Variants in FOXP1 observed in about 807,000 individuals in gnomAD.
The protein encoded by FOXP1 is forkhead box P1, also known as forkhead box protein P1.
In FOXP1, 15 loss-of-function variants were observed where a neutral mutation model predicts 98.2. That is an observed-to-expected ratio of 0.15 (90% CI 0.10 to 0.24). FOXP1 has a LOEUF of 0.24. Ranked by LOEUF, FOXP1 falls within the 10% of genes least tolerant of loss-of-function variation. The pLI, the probability that FOXP1 is intolerant of heterozygous loss-of-function variation, is 1.00. For synonymous variants in FOXP1, 371 were observed against 314.5 expected (o/e 1.18, Z -1.90); for missense variants, 633 against 848.5 (o/e 0.75, Z 3.15).
chr3:70,993,629 G>C (rs1169224024), intron 13 of FOXP1, among the ~76,000 whole-genome samples: 1 of 152,222 alleles, frequency 6.6e-6, no homozygotes, highest in Non-Finnish European at 1.5e-5. Context: ...CTCAAAGAAT[G>C]AGAAGAAACA....
intron 3 of FOXP1, among the ~76,000 whole-genome samples, chr3:71,412,923 A>G (rs1302325865): frequency 6.6e-6 from 1 of 152,208 alleles, no homozygotes; most frequent in Admixed American, 6.5e-5. Context: ...TGGAGAATTA[A>G]TGTGCCGCCT....
chr3:71,119,552 C>T lies in FOXP1; in HGVS notation c.181-6915G>A, dbSNP rs147580936. Among the ~76,000 whole-genome samples, 60 of 152,280 alleles carry T rather than the reference C, an allele frequency of 3.9e-4. No homozygotes were observed. The East Asian group carries it at 7.7e-3, about 20-fold the overall frequency. On this transcript the variant is annotated intron_variant, in intron 6 of 20. Coordinates refer to ENST00000649528, the MANE Select transcript of FOXP1 (RefSeq NM_001349338.3). Reference sequence around the variant, plus strand: ...ATAGGAACATTAGTAGGAAAGGAGTCGTGTTCTCTCCTCTGTTTCTCATCC... The same window carrying T: ...ATAGGAACATTAGTAGGAAAGGAGTTGTGTTCTCTCCTCTGTTTCTCATCC...
chr3:71,583,440 AT>A (rs1235472233), intron 1 of FOXP1, 130 bp downstream of exon 1: 64 of 953,752 alleles, frequency 6.7e-5, no homozygotes, highest in Admixed American at 1.4e-4. Context: ...TTTTTTTTCC[AT>A]TTTTTTTCTC....
At chr3:71,085,681 T>C (rs1349700331) in intron 7 of FOXP1, among the ~76,000 whole-genome samples, 1 of 150,348 alleles carries the variant, frequency 6.7e-6, no homozygotes, top group Admixed American at 6.7e-5. Flanking sequence ...TCTAGCTGGG[T>C]GCTTTATGTC....
At chr3:71,563,099 G>GTGTGTA (rs1447895213) in intron 2 of FOXP1, among the ~76,000 whole-genome samples, 2 of 152,180 alleles carry the variant, frequency 1.3e-5, no homozygotes, top group African/African-American at 4.8e-5. Context: ...GCAGAGGGGT[G>GTGTGTA]TGTGTATGTG....
At chr3:71,323,326 G>T (rs759918816) in intron 4 of FOXP1, among the ~76,000 whole-genome samples, 42 of 152,110 alleles carry the variant, frequency 2.8e-4, no homozygotes, top group Non-Finnish European at 4.7e-4. Context: ...GAATGAAGTA[G>T]TATAAGGAAC....
At chr3:71,436,997 G>C (rs944926420) in intron 3 of FOXP1, among the ~76,000 whole-genome samples, 1 of 152,078 alleles carries the variant, frequency 6.6e-6, no homozygotes, top group Non-Finnish European at 1.5e-5. Flanking sequence ...TTAAGGAAAT[G>C]GGCCATTACA....
chr3:71,382,148 G>A lies in FOXP1; in HGVS notation c.-167-22904C>T, dbSNP rs115798083. ...ATTTTGGCTGGGCATGGTGGTGCAC[G>A]CCTATAGTCCCAGCTACTTGGGAAG... On this transcript the variant is annotated intron_variant, in intron 3 of 20. Transcript: ENST00000649528. Among the ~76,000 whole-genome samples, 1,491 of 152,128 alleles carry A rather than the reference G, an allele frequency of 9.8e-3. 27 individuals carry two copies. Among genetic ancestry groups the A allele is most frequent in the African/African-American group, 0.034 (1,414 of 41,492 alleles).
intron 6 of FOXP1, 137 bp downstream of exon 6, chr3:71,198,065 G>A (rs1321116979): frequency 1.2e-6 from 2 of 1,614,144 alleles, no homozygotes; most frequent in Middle Eastern, 1.6e-4. Flanking sequence ...TTTATGAGAT[G>A]CCACTGACAG....
At chr3:71,378,376 CA>C (rs34091064) in intron 3 of FOXP1, among the ~76,000 whole-genome samples, 41,796 of 152,020 alleles carry the variant, frequency 0.27, 7,071 homozygotes, top group Middle Eastern at 0.39. Context: ...GGGTCTCAGT[CA>C]CCCCCAGTCA....
intron 12 of FOXP1, among the ~76,000 whole-genome samples, chr3:71,005,584 T>G (rs1443108175): frequency 6.6e-6 from 1 of 151,940 alleles, no homozygotes; most frequent in Non-Finnish European, 1.5e-5. Context: ...GAAAACACAT[T>G]TGGAAAGAAT....
At chr3:71,426,791 G>A (rs187430165) in intron 3 of FOXP1, among the ~76,000 whole-genome samples, 103 of 152,216 alleles carry the variant, frequency 6.8e-4, no homozygotes, top group Non-Finnish European at 1.3e-3. Context: ...AGCCAGGCGC[G>A]GTGGCTCACG....
At chr3:71,402,910 T>C (rs1362247408) in intron 3 of FOXP1, among the ~76,000 whole-genome samples, 1 of 152,222 alleles carries the variant, frequency 6.6e-6, no homozygotes, top group Non-Finnish European at 1.5e-5. Context: ...TTCCTCTAAC[T>C]GGTATATGTC....
intron 3 of FOXP1, among the ~76,000 whole-genome samples, chr3:71,399,177 T>C (rs1047923720): frequency 6.6e-6 from 1 of 152,224 alleles, no homozygotes; most frequent in African/African-American, 2.4e-5. Flanking sequence ...TCTATGTGTG[T>C]ACATACACAT....
intron 6 of FOXP1, among the ~76,000 whole-genome samples, chr3:71,178,218 T>A (rs540638196): frequency 1.4e-5 from 2 of 147,130 alleles, no homozygotes; most frequent in African/African-American, 2.5e-5. Context: ...CCCTGCAACC[T>A]CCGCCTCCCG....
At chr3:70,964,414 A>G (rs1432722772) in intron 20 of FOXP1, among the ~76,000 whole-genome samples, 2 of 152,222 alleles carry the variant, frequency 1.3e-5, no homozygotes, top group Non-Finnish European at 2.9e-5. Context: ...GATTCTTTAT[A>G]CTAATAGGAA....
At chr3:71,011,679 A>G (rs913853064) in intron 12 of FOXP1, among the ~76,000 whole-genome samples, 5 of 152,186 alleles carry the variant, frequency 3.3e-5, no homozygotes, top group Admixed American at 3.3e-4. Context: ...AAGTCGTCTT[A>G]CAAATATAAG....
chr3:71,049,590 G>A (rs1288977), intron 9 of FOXP1, among the ~76,000 whole-genome samples: 4,618 of 151,880 alleles, frequency 0.03, 248 homozygotes, highest in African/African-American at 0.1. Context: ...ACATCGTTCT[G>A]GCCAAAGATC....
chr3:71,158,169 G>GAAGA (rs2060940818), intron 6 of FOXP1, among the ~76,000 whole-genome samples: 1 of 142,608 alleles, frequency 7.0e-6, no homozygotes, highest in Non-Finnish European at 1.5e-5. Flanking sequence ...GGCAGGGAAG[G>GAAGA]AAGGAAGGAG....
Sources: gnomAD v4.1 joint callset for allele counts (sites outside exome capture counted in the v4.1 genomes callset) on GRCh38, gnomAD v4.1.1 for gene constraint, MANE v1.5 for transcripts, NCBI Gene and HGNC (gene_info 2026-07-23, HGNC 2026-07-21) for gene names.